SLC35F3: variants seen among roughly 807,000 people sequenced by gnomAD.
SLC35F3 encodes the protein putative thiamine transporter SLC35F3.
In SLC35F3, 25 loss-of-function variants were observed where a neutral mutation model predicts 49.9. The observed-to-expected ratio is 0.50, with a 90% CI of 0.37 to 0.70. The LOEUF (loss-of-function observed/expected upper bound fraction) is 0.70. Ranked by LOEUF, SLC35F3 falls within the 30% of genes least tolerant of loss-of-function variation. The probability of loss-of-function intolerance (pLI) is 0.00; values close to 1 mark genes in which losing one functional copy is unlikely to be tolerated. For missense variants in SLC35F3, 525 were observed against 639.8 expected (o/e 0.82, Z 1.94); for synonymous variants, 275 against 265.4 (o/e 1.04, Z -0.35).
intron 2 of SLC35F3, among the ~76,000 whole-genome samples, chr1:234,155,742 C>T (rs1572073135): frequency 6.8e-6 from 1 of 147,068 alleles, no homozygotes. Flanking sequence ...ATGGATTATT[C>T]AAAGATAGGA....
intron 2 of SLC35F3, among the ~76,000 whole-genome samples, chr1:233,963,282 T>G (rs543304882): frequency 6.6e-6 from 1 of 152,124 alleles, no homozygotes; most frequent in African/African-American, 2.4e-5. Context: ...GTCATAGCTT[T>G]CTTTTTTCTT....
At chr1:234,160,988 T>C (rs905100725) in intron 2 of SLC35F3, among the ~76,000 whole-genome samples, 1 of 152,214 alleles carries the variant, frequency 6.6e-6, no homozygotes, top group Non-Finnish European at 1.5e-5. Context: ...TCCATCTCTC[T>C]TGGATCCAGG....
intron 3 of SLC35F3, among the ~76,000 whole-genome samples, chr1:234,257,930 T>TG (rs1465856563): frequency 2.0e-5 from 3 of 152,242 alleles, no homozygotes; most frequent in Admixed American, 2.0e-4. Flanking sequence ...CAGTGTAGGT[T>TG]GGACCTGTGG....
At chr1:234,224,464 C>A (rs1482018428) in intron 2 of SLC35F3, among the ~76,000 whole-genome samples, 1 of 152,230 alleles carries the variant, frequency 6.6e-6, no homozygotes, top group Non-Finnish European at 1.5e-5. Context: ...AACACAATCA[C>A]TCAGTCCATA....
chr1:234,268,021 A>G (rs1389623580), intron 3 of SLC35F3, among the ~76,000 whole-genome samples: 17 of 148,150 alleles, frequency 1.1e-4, no homozygotes, highest in Non-Finnish European at 2.1e-4. Flanking sequence ...TGGGCGGCCA[A>G]GCAGAGACGC....
chr1:234,321,639 T>C (rs12118979), intron 7 of SLC35F3, among the ~76,000 whole-genome samples: 16,859 of 152,204 alleles, frequency 0.11, 1,040 homozygotes, highest in African/African-American at 0.15. Flanking sequence ...TGGCCAGGTG[T>C]TTGAGAGATT....
intron 2 of SLC35F3, among the ~76,000 whole-genome samples, chr1:233,943,682 T>G (rs1662466305): frequency 6.6e-6 from 1 of 152,182 alleles, no homozygotes; most frequent in Non-Finnish European, 1.5e-5. Flanking sequence ...CTTGGCTATA[T>G]ATATCTGGTA....
chr1:234,152,960 G>T (rs994696282), intron 2 of SLC35F3, among the ~76,000 whole-genome samples: 4 of 152,114 alleles, frequency 2.6e-5, no homozygotes, highest in African/African-American at 9.7e-5. Context: ...GCTTTGATTT[G>T]CATTTCTCTA....
At chr1:234,108,496 T>A (rs192068716) in intron 2 of SLC35F3, among the ~76,000 whole-genome samples, 1 of 108,052 alleles carries the variant, frequency 9.3e-6, no homozygotes, top group Non-Finnish European at 1.7e-5. Context: ...AGATATATAT[T>A]ATTTATATAT....
chr1:234,050,208 G>A (rs1202660161), intron 2 of SLC35F3, among the ~76,000 whole-genome samples: 2 of 152,142 alleles, frequency 1.3e-5, no homozygotes, highest in African/African-American at 2.4e-5. Context: ...TTGAGGAATC[G>A]CCACACTGTC....
At chr1:234,091,212 T>C (rs1665039200) in intron 2 of SLC35F3, among the ~76,000 whole-genome samples, 1 of 152,204 alleles carries the variant, frequency 6.6e-6, no homozygotes, top group South Asian at 2.1e-4. Flanking sequence ...ACTATGATGA[T>C]AGCTTGACCT....
intron 2 of SLC35F3, among the ~76,000 whole-genome samples, chr1:233,911,444 T>C (rs1264663284): frequency 6.6e-6 from 1 of 152,226 alleles, no homozygotes; most frequent in Non-Finnish European, 1.5e-5. Flanking sequence ...GAGTTGAGCA[T>C]TAGAGCACAG....
At chr1:233,909,592 C>T (rs1661835983) in intron 2 of SLC35F3, among the ~76,000 whole-genome samples, 1 of 152,228 alleles carries the variant, frequency 6.6e-6, no homozygotes, top group South Asian at 2.1e-4. Context: ...TCCTGAACCA[C>T]AGACTGGACC....
intron 2 of SLC35F3, among the ~76,000 whole-genome samples, chr1:234,129,851 G>T (rs1665706296): frequency 6.6e-6 from 1 of 152,048 alleles, no homozygotes; most frequent in Non-Finnish European, 1.5e-5. Flanking sequence ...TGAAACAAAT[G>T]AATATCCATA....
intron 3 of SLC35F3, among the ~76,000 whole-genome samples, chr1:234,290,221 G>C (rs775985366): frequency 6.6e-6 from 1 of 152,140 alleles, no homozygotes; most frequent in South Asian, 2.1e-4. Flanking sequence ...AATGTTAAGA[G>C]ATGATAAGAA....
At chr1:233,938,677 G>GATGGATGGATGGATGGATGA (rs1662372544) in intron 2 of SLC35F3, among the ~76,000 whole-genome samples, 2 of 1,234 alleles carry the variant, frequency 1.6e-3, no homozygotes, top group African/African-American at 5.1e-3. Context: ...TTGGTGGGTG[G>GATGGATGGATGGATGGATGA]ATGGATGGAT....
At chr1:234,280,972 A>G (rs1414028866) in intron 3 of SLC35F3, among the ~76,000 whole-genome samples, 1 of 152,178 alleles carries the variant, frequency 6.6e-6, no homozygotes, top group East Asian at 1.9e-4. Context: ...CGGATCCTGC[A>G]CAGCAGCTTG....
At chr1:234,307,282 A>C (rs1336081857) in intron 3 of SLC35F3, among the ~76,000 whole-genome samples, 1 of 152,208 alleles carries the variant, frequency 6.6e-6, no homozygotes, top group Non-Finnish European at 1.5e-5. Context: ...TAGTGAAGTG[A>C]ATGTTTTACC....
chr1:234,292,535 TA>T (rs1365418469), intron 3 of SLC35F3, among the ~76,000 whole-genome samples: 1 of 152,194 alleles, frequency 6.6e-6, no homozygotes, highest in Non-Finnish European at 1.5e-5. Context: ...AAGAAATGAC[TA>T]AAACAATTGT....
Sources: gnomAD v4.1 joint callset for allele counts (sites outside exome capture counted in the v4.1 genomes callset) on GRCh38, gnomAD v4.1.1 for gene constraint, MANE v1.5 for transcripts, NCBI Gene and HGNC (gene_info 2026-07-23, HGNC 2026-07-21) for gene names.